Variants in ASB4 observed in about 807,000 individuals in gnomAD.
The protein encoded by ASB4 is ankyrin repeat and SOCS box protein 4.
ASB4 carries 35 observed loss-of-function variants against 38.6 expected under a neutral mutation model. The ratio of observed to expected loss-of-function variants is 0.91; its 90% CI spans 0.69 to 1.20. The LOEUF (loss-of-function observed/expected upper bound fraction) is 1.20. Among genes scored for constraint, ASB4 ranks in the 50% most tolerant of loss-of-function variants. ASB4 has a pLI of 0.00. For missense variants in ASB4, 557 were observed against 527.2 expected (o/e 1.06, Z -0.55); for synonymous variants, 195 against 201.3 (o/e 0.97, Z 0.26).
chr7:95,472,474 C>T, the ASB4 span, among the ~76,000 whole-genome samples: 12 of 152,294 alleles, frequency 7.9e-5, no homozygotes, highest in South Asian at 2.3e-3. Flanking sequence ...TAACTCCAAT[C>T]TGCCGGGGGA....
At chr7:95,488,536 A>G (rs548419427) in intron 1 of ASB4, among the ~76,000 whole-genome samples, 100 of 152,342 alleles carry the variant, frequency 6.6e-4, no homozygotes, top group Admixed American at 6.4e-3. Flanking sequence ...GGAGCTGAGC[A>G]GTCTACAGTG....
downstream of ASB4, among the ~76,000 whole-genome samples, chr7:95,544,767 T>C (rs1426084996): frequency 6.6e-6 from 1 of 152,188 alleles, no homozygotes; most frequent in Non-Finnish European, 1.5e-5. Context: ...CAATCTCGGC[T>C]CACTGCAACC....
intron 4 of ASB4, among the ~76,000 whole-genome samples, chr7:95,537,128 A>C (rs1043056761): frequency 6.6e-6 from 1 of 152,186 alleles, no homozygotes; most frequent in Non-Finnish European, 1.5e-5. Flanking sequence ...CACAGGGTGC[A>C]AAGTTCACTG....
At chr7:95,549,204 G>A in the ASB4 span, among the ~76,000 whole-genome samples, 1 of 152,006 alleles carries the variant, frequency 6.6e-6, no homozygotes, top group African/African-American at 2.4e-5. Flanking sequence ...TAACTACAGT[G>A]CTAGACCATA....
At chr7:95,472,758 G>C in the ASB4 span, among the ~76,000 whole-genome samples, 1 of 152,106 alleles carries the variant, frequency 6.6e-6, no homozygotes, top group Non-Finnish European at 1.5e-5. Context: ...ACCTCAGCTG[G>C]ATTTGCAGCT....
At chr7:95,481,248 A>G (rs896210991), upstream of ASB4, among the ~76,000 whole-genome samples, 2 of 152,300 alleles carry the variant, frequency 1.3e-5, no homozygotes, top group Admixed American at 6.5e-5. Flanking sequence ...ATTTTCCATT[A>G]TAGGAACCAA....
intron 2 of ASB4, among the ~76,000 whole-genome samples, chr7:95,519,443 C>T (rs886297135): frequency 1.3e-5 from 2 of 152,116 alleles, no homozygotes; most frequent in African/African-American, 2.4e-5. Flanking sequence ...AGAGCAGACA[C>T]AATTAATATT....
At chr7:95,482,867 A>G (rs1790032161), upstream of ASB4, among the ~76,000 whole-genome samples, 1 of 152,034 alleles carries the variant, frequency 6.6e-6, no homozygotes, top group Non-Finnish European at 1.5e-5. Flanking sequence ...CTTTGATGGG[A>G]TGGGGGGTGG....
chr7:95,516,764 C>A (rs1384573288), intron 2 of ASB4, among the ~76,000 whole-genome samples: 1 of 152,180 alleles, frequency 6.6e-6, no homozygotes, highest in Non-Finnish European at 1.5e-5. Flanking sequence ...GGTCTTTGTT[C>A]AGTCTTATTT....
At chr7:95,549,483 G>C in the ASB4 span, among the ~76,000 whole-genome samples, 1 of 151,706 alleles carries the variant, frequency 6.6e-6, no homozygotes, top group East Asian at 1.9e-4. Context: ...ATTTTTAGTA[G>C]AGACAGGGTT....
intron 1 of ASB4, among the ~76,000 whole-genome samples, chr7:95,492,344 T>C (rs1790184283): frequency 6.6e-6 from 1 of 152,146 alleles, no homozygotes; most frequent in Middle Eastern, 3.2e-3. Flanking sequence ...ATATCAGAGA[T>C]GTGAAATATT....
At chr7:95,476,814 G>A (rs1433505247), upstream of ASB4, among the ~76,000 whole-genome samples, 2 of 152,150 alleles carry the variant, frequency 1.3e-5, no homozygotes, top group Non-Finnish European at 2.9e-5. Flanking sequence ...CACATGGTAT[G>A]AAACATTTTT....
At chr7:95,544,913 C>T (rs1791012437), downstream of ASB4, among the ~76,000 whole-genome samples, 1 of 152,110 alleles carries the variant, frequency 6.6e-6, no homozygotes, top group South Asian at 2.1e-4. Flanking sequence ...CCAGGCTGGT[C>T]TCAAACTCCT....
chr7:95,534,469 T>G (rs1319372511), intron 3 of ASB4, among the ~76,000 whole-genome samples: 1 of 152,188 alleles, frequency 6.6e-6, no homozygotes, highest in East Asian at 1.9e-4. Flanking sequence ...GTTGTATTCT[T>G]TCTTCCTCCT....
chr7:95,515,229 C>CT (rs1227234730), intron 2 of ASB4, among the ~76,000 whole-genome samples: 2 of 83,172 alleles, frequency 2.4e-5, no homozygotes, highest in South Asian at 7.8e-4. Context: ...TTCTTTCTTT[C>CT]TTTTTCTTTC....
rs575637086 is a variant in ASB4, at chr7:95,507,486, A to G, written c.487+11429A>G. ...TTAAAATCAATTAGGTCCCAATGCTATGTTCTGTATTCTCATAGCACATTG... is the reference window on the plus strand; with the variant it reads ...TTAAAATCAATTAGGTCCCAATGCTGTGTTCTGTATTCTCATAGCACATTG... On this transcript the variant is annotated intron_variant, in intron 2 of 4. Transcript: ENST00000325885. Among the ~76,000 whole-genome samples the G allele has an allele frequency of 3.9e-4, 59 of 152,182 alleles. No homozygotes were observed. The Middle Eastern group carries it at 0.01, about 26-fold the overall frequency.
At chr7:95,548,157 TG>T in the ASB4 span, among the ~76,000 whole-genome samples, 3 of 152,230 alleles carry the variant, frequency 2.0e-5, no homozygotes, top group Non-Finnish European at 4.4e-5. Flanking sequence ...TTTTCCAAAG[TG>T]ATGTACATGT....
intron 2 of ASB4, among the ~76,000 whole-genome samples, chr7:95,526,959 T>C (rs1790745261): frequency 6.6e-6 from 1 of 152,222 alleles, no homozygotes; most frequent in Non-Finnish European, 1.5e-5. Context: ...ACTTAAGTTT[T>C]CTAGTCTGTT....
intron 1 of ASB4, among the ~76,000 whole-genome samples, chr7:95,494,569 C>A (rs1359384306): frequency 1.3e-5 from 2 of 152,198 alleles, no homozygotes; most frequent in African/African-American, 4.8e-5. Flanking sequence ...GTTGTTTCAG[C>A]CCTAAAGTAA....
Sources: allele counts gnomAD v4.1 joint callset (sites outside exome capture counted in the v4.1 genomes callset), GRCh38; gene constraint gnomAD v4.1.1; transcripts MANE v1.5; gene names NCBI Gene and HGNC (gene_info 2026-07-23, HGNC 2026-07-21).